MLIP: variants seen among roughly 807,000 people sequenced by gnomAD.
MLIP encodes muscular LMNA interacting protein, also known as muscular LMNA-interacting protein.
MLIP carries 79 observed loss-of-function variants against 84.8 expected under a neutral mutation model. That is an observed-to-expected ratio of 0.93 (90% CI 0.78 to 1.12). The LOEUF (loss-of-function observed/expected upper bound fraction) is 1.12. MLIP is among the 50% of genes most tolerant of loss of function. The probability of loss-of-function intolerance (pLI) is 0.00; values close to 1 mark genes in which losing one functional copy is unlikely to be tolerated. For synonymous variants in MLIP, 504 were observed against 463.0 expected (o/e 1.09, Z -1.14); for missense variants, 1,257 against 1,160.6 (o/e 1.08, Z -1.21).
intron 10 of MLIP, among the ~76,000 whole-genome samples, chr6:54,195,495 C>T (rs1352030314): frequency 6.6e-6 from 1 of 152,064 alleles, no homozygotes; most frequent in Non-Finnish European, 1.5e-5. Flanking sequence ...CATGGATTCT[C>T]TAGGTCAGCG....
chr6:54,114,537 C>T (rs964089343), intron 1 of MLIP, among the ~76,000 whole-genome samples: 2 of 152,138 alleles, frequency 1.3e-5, no homozygotes, highest in East Asian at 1.9e-4. Flanking sequence ...TAAAATGTAG[C>T]CAGAATCTTA....
In MLIP at chr6:54,072,492, A is replaced by G. The variant is rs146396101; in HGVS notation, c.64-48955A>G. Among the ~76,000 whole-genome samples the G allele has an allele frequency of 5.9e-5, 9 of 152,292 alleles. No homozygotes were observed. The East Asian group carries it at 1.7e-3, about 29-fold the overall frequency. ...AATTTGGAGATAGAGGAATCCTCCC[A>G]CTGAACTTGGAAATCCTATGATTCA... On this transcript the variant is annotated intron_variant, in intron 1 of 12. Coordinates refer to the MLIP transcript ENST00000274897.
intron 11 of MLIP, among the ~76,000 whole-genome samples, chr6:54,229,147 T>C (rs1400304969): frequency 6.6e-6 from 1 of 152,206 alleles, no homozygotes; most frequent in African/African-American, 2.4e-5. Context: ...GTTAGGTGAA[T>C]TGATTTTTTT....
At chr6:54,092,533 A>G (rs541696519) in intron 1 of MLIP, among the ~76,000 whole-genome samples, 2 of 152,192 alleles carry the variant, frequency 1.3e-5, no homozygotes, top group African/African-American at 4.8e-5. Flanking sequence ...TTTATTGATC[A>G]TATTTTCCCA....
intron 10 of MLIP, among the ~76,000 whole-genome samples, chr6:54,201,612 A>G (rs190617636): frequency 6.6e-6 from 1 of 152,286 alleles, no homozygotes; most frequent in Non-Finnish European, 1.5e-5. Context: ...CCACTCTTTT[A>G]GGTCAGAAAG....
chr6:54,214,010 A>G (rs1441279840), intron 11 of MLIP, among the ~76,000 whole-genome samples: 1 of 152,164 alleles, frequency 6.6e-6, no homozygotes, highest in African/African-American at 2.4e-5. Context: ...TGCTTTTATA[A>G]AGATAATCCT....
chr6:54,043,625 A>G (rs1764871684), intron 1 of MLIP, among the ~76,000 whole-genome samples: 1 of 152,188 alleles, frequency 6.6e-6, no homozygotes, highest in African/African-American at 2.4e-5. Context: ...CCTGCTCAGA[A>G]TTAACACTGT....
intron 1 of MLIP, among the ~76,000 whole-genome samples, chr6:54,088,709 C>T (rs185315240): frequency 1.5e-4 from 23 of 152,202 alleles, no homozygotes; most frequent in Non-Finnish European, 2.6e-4. Flanking sequence ...GCAAATCTCG[C>T]GGTTGTGCCA....
intron 1 of MLIP, among the ~76,000 whole-genome samples, chr6:54,074,308 T>C (rs1766660769): frequency 6.6e-6 from 1 of 152,198 alleles, no homozygotes; most frequent in African/African-American, 2.4e-5. Context: ...ATGGGGAAAT[T>C]CTGCTGCTAA....
At chr6:54,242,183 G>T (rs956396073) in intron 12 of MLIP, among the ~76,000 whole-genome samples, 8 of 152,116 alleles carry the variant, frequency 5.3e-5, no homozygotes, top group Non-Finnish European at 1.2e-4. Flanking sequence ...GTCCAGAGTG[G>T]GTAGGTGGGA....
chr6:54,192,519 T>C (rs2150684163), intron 10 of MLIP, among the ~76,000 whole-genome samples: 1 of 152,078 alleles, frequency 6.6e-6, no homozygotes, highest in South Asian at 2.1e-4. Context: ...AATTTTTTCA[T>C]TTTTATGAAT....
chr6:54,149,833 T>C (rs1773252042), intron 5 of MLIP, among the ~76,000 whole-genome samples: 1 of 152,188 alleles, frequency 6.6e-6, no homozygotes, highest in African/African-American at 2.4e-5. Flanking sequence ...TGAAGCCTCT[T>C]GTTTAATAAA....
In MLIP at chr6:54,210,725, G is replaced by A. The variant is rs9382305; in HGVS notation, c.2718+8492G>A. Among the ~76,000 whole-genome samples the A allele has an allele frequency of 7.0e-3, 431 of 61,580 alleles. 8 individuals carry two copies. The South Asian group carries it at 0.074, about 11-fold the overall frequency. The allele number at this position is 61,580 out of a possible 152,430, so 40.4% of individuals were successfully genotyped here. A position where few individuals can be genotyped will look rare whatever the true frequency, so the allele number is the denominator to read the frequency against. ...GTGCATTTACAATAAAGACTCCAAC[G>A]GAGGGAAAAAAAAAAAAAAAATGTT... On this transcript the variant is annotated intron_variant, in intron 11 of 13. Transcript: ENST00000502396.
intron 1 of MLIP, among the ~76,000 whole-genome samples, chr6:54,021,446 A>G (rs1763495092): frequency 6.6e-6 from 1 of 152,188 alleles, no homozygotes; most frequent in African/African-American, 2.4e-5. Context: ...GGTTTATTTG[A>G]AAAAATTTCT....
intron 8 of MLIP, among the ~76,000 whole-genome samples, chr6:54,163,845 T>TA (rs752972237): frequency 1.2e-4 from 18 of 152,104 alleles, no homozygotes; most frequent in Non-Finnish European, 1.5e-4. Context: ...TCAAGTTGTA[T>TA]AAAGCAAGAT....
intron 1 of MLIP, chr6:54,032,380 T>G: frequency 6.6e-6 from 1 of 152,290 alleles, no homozygotes; most frequent in East Asian, 1.9e-4. Flanking sequence ...TGCTTACATT[T>G]TTATTCTTAT....
chr6:54,239,921 C>G (rs1051333604), intron 12 of MLIP, among the ~76,000 whole-genome samples: 1 of 152,164 alleles, frequency 6.6e-6, no homozygotes, highest in Middle Eastern at 3.4e-3. Context: ...TTTAGTGCCC[C>G]TCTGTTTATC....
At chr6:54,261,806 G>T (rs541025660) in intron 13 of MLIP, 5 of 864,436 alleles carry the variant, frequency 5.8e-6, no homozygotes, top group Admixed American at 6.2e-5. Flanking sequence ...AGAGAAAAAG[G>T]CCCACTCTAT....
chr6:54,189,091 T>C (rs1056681838), intron 9 of MLIP, among the ~76,000 whole-genome samples: 1 of 152,160 alleles, frequency 6.6e-6, no homozygotes, highest in African/African-American at 2.4e-5. Context: ...TTTACTTTAG[T>C]AAGAAGGAAA....
Sources: gnomAD v4.1 joint callset for allele counts (sites outside exome capture counted in the v4.1 genomes callset) on GRCh38, gnomAD v4.1.1 for gene constraint, MANE v1.5 for transcripts, NCBI Gene and HGNC (gene_info 2026-07-23, HGNC 2026-07-21) for gene names.